Variants in UBAP2L observed in about 807,000 individuals in gnomAD.
UBAP2L encodes ubiquitin associated protein 2 like.
In UBAP2L, 12 loss-of-function variants were observed where a neutral mutation model predicts 130.6. The ratio of observed to expected loss-of-function variants is 0.09; its 90% CI spans 0.06 to 0.15. The LOEUF (loss-of-function observed/expected upper bound fraction) is 0.15, where lower values mean the gene tolerates loss of function less well. Among genes scored for constraint, UBAP2L ranks in the 10% least tolerant of loss-of-function variants. The pLI is 1.00. For missense variants in UBAP2L, 965 were observed against 1,332.5 expected, an observed-to-expected ratio of 0.72 and a Z score of 4.29; for synonymous variants, 503 against 524.7, an observed-to-expected ratio of 0.96 and a Z score of 0.57.
chr1:154,247,513 C>T (rs926904284), intron 11 of UBAP2L, among the ~76,000 whole-genome samples: 4 of 152,116 alleles, frequency 2.6e-5, no homozygotes, highest in Non-Finnish European at 4.4e-5. Context: ...CTCTTAATTG[C>T]CCTCTTAATG....
chr1:154,230,596 GTTT>G (rs1294541649), intron 4 of UBAP2L, among the ~76,000 whole-genome samples: 1 of 152,012 alleles, frequency 6.6e-6, no homozygotes, highest in Non-Finnish European at 1.5e-5. Flanking sequence ...GGCTATTTAT[GTTT>G]TTTTAAAAGT....
upstream of UBAP2L, chr1:154,220,567 C>G (rs574997743): frequency 1.0e-5 from 7 of 698,330 alleles, no homozygotes; most frequent in Non-Finnish European, 1.7e-5. Context: ...ACATGGCGGA[C>G]AGGCAGGAGA....
intron 21 of UBAP2L, 44 bp from the exon 22 acceptor site, chr1:154,259,904 A>G (rs754009521): frequency 1.3e-6 from 2 of 1,567,292 alleles, no homozygotes; most frequent in Non-Finnish European, 1.8e-6. Context: ...ATGCTGGGGA[A>G]TGAGTGACAT....
chr1:154,249,898 T>C lies in UBAP2L; in HGVS notation c.1213+461T>C, dbSNP rs557911485. 2.0e-5 allele frequency among the ~76,000 whole-genome samples: 3 copies of C among 151,154 alleles called. No individual in the cohort carries two copies. The South Asian group carries it at 6.3e-4, about 32-fold the overall frequency. ...AAAAAAAAAGAAAAATTTTTAACCATATACATAGTTGCAGTCTTCTGTTGA... is the reference window on the plus strand; with the variant it reads ...AAAAAAAAAGAAAAATTTTTAACCACATACATAGTTGCAGTCTTCTGTTGA... On this transcript the variant is annotated intron_variant, in intron 12 of 26. Coordinates refer to ENST00000428931, the MANE Select transcript of UBAP2L (RefSeq NM_014847.4).
chr1:154,230,093 G>T (rs534434796), intron 4 of UBAP2L, among the ~76,000 whole-genome samples: 1 of 151,928 alleles, frequency 6.6e-6, no homozygotes, highest in Admixed American at 6.6e-5. Flanking sequence ...TGCAAACTCT[G>T]CCTCCTGGGT....
intron 8 of UBAP2L, among the ~76,000 whole-genome samples, chr1:154,238,648 T>G (rs1371043084): frequency 1.3e-5 from 2 of 152,228 alleles, no homozygotes; most frequent in African/African-American, 4.8e-5. Context: ...GAAATCTGAT[T>G]TGTAGCTGAA....
intron 24 of UBAP2L, among the ~76,000 whole-genome samples, chr1:154,265,519 T>C (rs763269252): frequency 6.6e-6 from 1 of 152,228 alleles, no homozygotes. Flanking sequence ...TTCACATCTT[T>C]GTTTCAAAAT....
intron 1 of UBAP2L, among the ~76,000 whole-genome samples, chr1:154,222,897 A>G (rs112524609): frequency 6.0e-4 from 92 of 152,248 alleles, no homozygotes; most frequent in Middle Eastern, 6.8e-3. Flanking sequence ...CCTGTGTTGA[A>G]ACCTCTGTTT....
chr1:154,227,228 T>A, intron 2 of UBAP2L, 54 bp from the exon 3 acceptor site: 1 of 1,507,836 alleles, frequency 6.6e-7, no homozygotes. Context: ...AGGTTCCTGT[T>A]CTCTAAACTG....
intron 11 of UBAP2L, 143 bp downstream of exon 11, chr1:154,246,518 T>G: frequency 1.1e-6 from 1 of 869,896 alleles, no homozygotes; most frequent in Non-Finnish European, 1.7e-6. Flanking sequence ...GTAGAAATGT[T>G]TGAGTTGGGT....
chr1:154,237,447 A>T (rs1271248582), intron 8 of UBAP2L, among the ~76,000 whole-genome samples: 1 of 152,196 alleles, frequency 6.6e-6, no homozygotes, highest in Non-Finnish European at 1.5e-5. Context: ...GCATTGTTTG[A>T]CCCTGAAAGT....
chr1:154,225,746 C>T (rs1413645942), intron 2 of UBAP2L, among the ~76,000 whole-genome samples: 1 of 152,190 alleles, frequency 6.6e-6, no homozygotes, highest in Non-Finnish European at 1.5e-5. Flanking sequence ...CTTAAGATAG[C>T]ATTTCCCTTC....
intron 21 of UBAP2L, 110 bp from the exon 22 acceptor site, chr1:154,259,838 G>C (rs181267442): frequency 3.4e-6 from 4 of 1,166,882 alleles, no homozygotes; most frequent in Non-Finnish European, 5.1e-6. Context: ...TTAGTGACTG[G>C]ATAAATTGCA....
chr1:154,242,121 C>T (rs184720343), intron 9 of UBAP2L, among the ~76,000 whole-genome samples: 112 of 152,270 alleles, frequency 7.4e-4, no homozygotes, highest in Admixed American at 7.1e-3. Flanking sequence ...ACTTGGAAAC[C>T]TCATAGATGG....
intron 1 of UBAP2L, among the ~76,000 whole-genome samples, chr1:154,223,713 C>T (rs1667070367): frequency 6.6e-6 from 1 of 152,102 alleles, no homozygotes; most frequent in Non-Finnish European, 1.5e-5. Flanking sequence ...GATACAAAGA[C>T]CTATGCAACC....
intron 9 of UBAP2L, among the ~76,000 whole-genome samples, chr1:154,242,686 A>G (rs1055033153): frequency 2.0e-5 from 3 of 152,232 alleles, no homozygotes; most frequent in African/African-American, 4.8e-5. Flanking sequence ...CACAAAGTCA[A>G]ATATTAAGGC....
chr1:154,261,445 G>A, intron 23 of UBAP2L, 147 bp from the exon 24 acceptor site: 1 of 788,038 alleles, frequency 1.3e-6, no homozygotes, highest in Non-Finnish European at 2.1e-6. Context: ...AGAACAGTTA[G>A]TAAGGAGCTA....
chr1:154,230,076 G>A (rs373427906), intron 4 of UBAP2L, among the ~76,000 whole-genome samples: 17 of 151,708 alleles, frequency 1.1e-4, no homozygotes, highest in African/African-American at 3.4e-4. Context: ...AGTACATCTC[G>A]GCTCACTGCA....
chr1:154,271,109 T>G, downstream of UBAP2L: 1 of 675,828 alleles, frequency 1.5e-6, no homozygotes, highest in Non-Finnish European at 2.4e-6. Flanking sequence ...AAATCTTCAT[T>G]TCCTCCAGAA....
Sources: allele counts gnomAD v4.1 joint callset (sites outside exome capture counted in the v4.1 genomes callset), GRCh38; gene constraint gnomAD v4.1.1; transcripts MANE v1.5; gene names NCBI Gene and HGNC (gene_info 2026-07-23, HGNC 2026-07-21).